ST3GAL4: variants seen among roughly 807,000 people sequenced by gnomAD.
ST3GAL4 encodes ST3 beta-galactoside alpha-2,3-sialyltransferase 4, also known as CMP-N-acetylneuraminate-beta-galactosamide-alpha-2,3-sialyltransferase 4.
A neutral mutation model predicts 42.6 loss-of-function variants in ST3GAL4; 24 were observed. The observed-to-expected ratio is 0.56, with a 90% CI of 0.41 to 0.79. The LOEUF (loss-of-function observed/expected upper bound fraction) is 0.79, where lower values mean the gene tolerates loss of function less well. ST3GAL4 is among the 30% of genes least tolerant of loss of function. The pLI, the probability that ST3GAL4 is intolerant of heterozygous loss-of-function variation, is 0.00. For synonymous variants in ST3GAL4, 135 were observed against 163.2 expected (o/e 0.83, Z 1.32); for missense variants, 311 against 430.8 (o/e 0.72, Z 2.46).
At chr11:126,381,527 G>GGGCAGGAGAC (rs1161569158) in intron 1 of ST3GAL4, among the ~76,000 whole-genome samples, 14 of 150,182 alleles carry the variant, frequency 9.3e-5, no homozygotes, top group Non-Finnish European at 1.5e-4. Flanking sequence ...CGGGAGGAGA[G>GGGCAGGAGAC]GGCAGGAGAC....
intron 1 of ST3GAL4, among the ~76,000 whole-genome samples, chr11:126,365,899 A>G (rs992831334): frequency 6.6e-6 from 1 of 152,182 alleles, no homozygotes; most frequent in Non-Finnish European, 1.5e-5. Flanking sequence ...CAGGCTCTGC[A>G]GTACCCTCGG....
chr11:126,387,685 A>G (rs1460938185), intron 1 of ST3GAL4, among the ~76,000 whole-genome samples: 2 of 152,064 alleles, frequency 1.3e-5, no homozygotes, highest in Admixed American at 6.6e-5. Flanking sequence ...AAAAAAAAAA[A>G]AAAATTATAA....
At chr11:126,375,847 A>G (rs1438075830) in intron 1 of ST3GAL4, among the ~76,000 whole-genome samples, 1 of 148,648 alleles carries the variant, frequency 6.7e-6, no homozygotes, top group Non-Finnish European at 1.5e-5. Flanking sequence ...CAGAGATTGC[A>G]GGATCCTGAT....
Position 126,400,136 on chromosome 11 carries a change from A to G in ST3GAL4, c.-60-5960A>G, listed in dbSNP as rs573793267. Among the ~76,000 whole-genome samples the G allele has an allele frequency of 6.6e-6, 1 of 152,138 alleles. No individual in the cohort carries two copies. The highest frequency in any genetic ancestry group is 2.4e-5 in the African/African-American group (1 of 41,488). On this transcript the variant is annotated intron_variant, in intron 1 of 10. Transcript: ENST00000444328. This position sits in a 1 kb window ranked among gnomAD's most constrained non-coding sequence, Gnocchi z 4.6. ...TTTTGTGCTGCTGTAACAGAATACC[A>G]CAGATTGAGTATATTATAATGAATA...
In ST3GAL4 at chr11:126,391,936, C is replaced by CATGTGTGTGTGTGT. The variant is rs147051433; in HGVS notation, c.-60-14160_-60-14159insATGTGTGTGTGTGT. On this transcript the variant is annotated intron_variant, in intron 1 of 10. Transcript: ENST00000444328. The surrounding 1 kb of genome is among the most constrained non-coding windows in gnomAD (Gnocchi z 5.5). ...CTCAGAACACCTGTGATAACTTGGT[C>CATGTGTGTGTGTGT]GTGTGTGTGTGTGTGTGTGTGTGTG... Among the ~76,000 whole-genome samples, 44 of 144,478 alleles carry CATGTGTGTGTGTGT rather than the reference C, an allele frequency of 3.0e-4. No individual in the cohort carries two copies. Among genetic ancestry groups the CATGTGTGTGTGTGT allele is most frequent in the African/African-American group, 1.0e-3 (40 of 38,216 alleles). The allele number at this position is 144,478 out of a possible 152,430, so 94.8% of individuals were successfully genotyped here.
rs1034630039 is a variant in ST3GAL4, at chr11:126,406,759, A to G, written c.102-184A>G. On this transcript the variant is annotated intron_variant, in intron 3 of 10. Transcript: ENST00000444328. This position sits in a 1 kb window ranked among gnomAD's most constrained non-coding sequence, Gnocchi z 5.4. ...GGGATGTCTCACTGGGCCCTCACCC[A>G]GGGAGTGCAGGGGCAGGAAGACCTG... 2 of 922,146 alleles carry G rather than the reference A, an allele frequency of 2.2e-6. No individual in the cohort carries two copies. Among genetic ancestry groups the G allele is most frequent in the South Asian group, 3.3e-5 (2 of 59,944 alleles). The allele number at this position is 922,146 out of a possible 1,614,324, so 57.1% of individuals were successfully genotyped here.
intron 1 of ST3GAL4, among the ~76,000 whole-genome samples, chr11:126,369,265 G>C (rs1415942499): frequency 6.6e-6 from 1 of 151,854 alleles, no homozygotes; most frequent in Non-Finnish European, 1.5e-5. Flanking sequence ...TTGGGGGGGG[G>C]AGGCAGAGTT....
chr11:126,411,073 G>A lies in ST3GAL4; in HGVS notation c.771+1662G>A, dbSNP rs1338728504. Among the ~76,000 whole-genome samples, 1 of 152,162 alleles carries A rather than the reference G, an allele frequency of 6.6e-6. No individual in the cohort carries two copies. Among genetic ancestry groups the A allele is most frequent in the Non-Finnish European group, 1.5e-5 (1 of 68,030 alleles). The stretch of plus-strand genomic sequence containing the variant: ...TGGAGAGGAGGCTGGAGAGGGAGAT[G>A]AGAGAGGGCGAGGACCTGAACCCAG... On this transcript the variant is annotated intron_variant, in intron 9 of 10. Transcript: ENST00000444328. This position sits in a 1 kb window ranked among gnomAD's most constrained non-coding sequence, Gnocchi z 6.3.
At chr11:126,388,258 G>A (rs1181771695) in intron 1 of ST3GAL4, among the ~76,000 whole-genome samples, 1 of 152,148 alleles carries the variant, frequency 6.6e-6, no homozygotes, top group Non-Finnish European at 1.5e-5. Context: ...GATGACCATA[G>A]TTTCTTATTT....
At chr11:126,365,518 T>C (rs1008928968) in intron 1 of ST3GAL4, among the ~76,000 whole-genome samples, 16 of 152,136 alleles carry the variant, frequency 1.1e-4, no homozygotes, top group Admixed American at 9.8e-4. Flanking sequence ...CTGGCTTCTG[T>C]GTGCAGAGGT....
In ST3GAL4 at chr11:126,366,212, C is replaced by G. The variant is rs1342702761; in HGVS notation, c.-61+10370C>G. 3.3e-5 allele frequency among the ~76,000 whole-genome samples: 5 copies of G among 152,306 alleles called. No homozygotes were observed. The highest frequency in any genetic ancestry group is 1.3e-4 in the Admixed American group (2 of 15,306). On this transcript the variant is annotated intron_variant, in intron 1 of 10. Coordinates refer to ENST00000444328, the MANE Select transcript of ST3GAL4 (RefSeq NM_001254757.2). This position sits in a 1 kb window ranked among gnomAD's most constrained non-coding sequence, Gnocchi z 4.2. ...GAGCCAGAGCTGGGGTGGGAGGAAC[C>G]CAGTGGGCCTGGGGGAGGTAAAGCA...
chr11:126,407,716 C>CG, intron 6 of ST3GAL4, 82 bp downstream of exon 6: 1 of 1,378,334 alleles, frequency 7.3e-7, no homozygotes, highest in Non-Finnish European at 1.0e-6. Context: ...CCCACCCCCC[C>CG]GCTCTGTGAA....
rs145832671 is a variant in ST3GAL4, at chr11:126,361,558, T to A, written c.-61+5716T>A. Among the ~76,000 whole-genome samples the A allele has an allele frequency of 4.8e-3, 736 of 152,154 alleles. 6 individuals carry two copies. Among genetic ancestry groups the A allele is most frequent in the African/African-American group, 0.016 (677 of 41,494 alleles). The stretch of plus-strand genomic sequence containing the variant: ...CCTTCAGTATCAACTGAAGCCCCAG[T>A]CCTGGGAAGCCTCCGTGGCCACCCA... On this transcript the variant is annotated intron_variant, in intron 1 of 10. Coordinates refer to ENST00000444328, the MANE Select transcript of ST3GAL4 (RefSeq NM_001254757.2).
chr11:126,375,518 C>T (rs1218984600), intron 1 of ST3GAL4, among the ~76,000 whole-genome samples: 1 of 152,138 alleles, frequency 6.6e-6, no homozygotes, highest in Non-Finnish European at 1.5e-5. Flanking sequence ...CCAGTGCCAG[C>T]TCCGCTCCTC....
chr11:126,385,987 C>T (rs1424805423), intron 1 of ST3GAL4, among the ~76,000 whole-genome samples: 1 of 152,164 alleles, frequency 6.6e-6, no homozygotes, highest in Non-Finnish European at 1.5e-5. Context: ...TCCCTGGCAC[C>T]CCCTTTCCTT....
intron 9 of ST3GAL4, among the ~76,000 whole-genome samples, chr11:126,412,090 C>T (rs1177833971): frequency 6.6e-6 from 1 of 152,060 alleles, no homozygotes; most frequent in Non-Finnish European, 1.5e-5. Context: ...CTAGCTTGGA[C>T]AGCCGGTAGG....
At chr11:126,377,360 G>A (rs539687110) in intron 1 of ST3GAL4, among the ~76,000 whole-genome samples, 1 of 151,916 alleles carries the variant, frequency 6.6e-6, no homozygotes, top group East Asian at 1.9e-4. Context: ...TAGTAGAGAT[G>A]GGATTTCACC....
intron 1 of ST3GAL4, among the ~76,000 whole-genome samples, chr11:126,372,289 C>A (rs770048060): frequency 4.6e-5 from 7 of 152,146 alleles, no homozygotes; most frequent in Non-Finnish European, 8.8e-5. Flanking sequence ...CTTTTGAGTA[C>A]CTCCTATAAG....
intron 1 of ST3GAL4, among the ~76,000 whole-genome samples, chr11:126,358,222 C>T (rs993410264): frequency 6.6e-6 from 1 of 152,268 alleles, no homozygotes; most frequent in Non-Finnish European, 1.5e-5. Flanking sequence ...GCCGGCTGGA[C>T]GTTTCCCTGC....
Sources: allele counts gnomAD v4.1 joint callset (sites outside exome capture counted in the v4.1 genomes callset), GRCh38; gene constraint gnomAD v4.1.1; non-coding constraint Gnocchi (gnomAD v3.1); transcripts MANE v1.5; gene names NCBI Gene and HGNC (gene_info 2026-07-23, HGNC 2026-07-21).